ATAD1: variants seen among roughly 807,000 people sequenced by gnomAD.
ATAD1 encodes the protein outer mitochondrial transmembrane helix translocase.
In ATAD1, 18 loss-of-function variants were observed where a neutral mutation model predicts 42.7. The ratio of observed to expected loss-of-function variants is 0.42; its 90% CI spans 0.29 to 0.63. The LOEUF is 0.63. Among genes scored for constraint, ATAD1 ranks in the 20% least tolerant of loss-of-function variants. ATAD1 has a pLI of 0.19. For missense variants in ATAD1, 294 were observed against 440.4 expected (o/e 0.67, Z 2.98); for synonymous variants, 132 against 143.1 (o/e 0.92, Z 0.55).
chr10:87,759,550 G>A (rs1172566308), intron 8 of ATAD1, among the ~76,000 whole-genome samples: 1 of 152,158 alleles, frequency 6.6e-6, no homozygotes, highest in Non-Finnish European at 1.5e-5. Context: ...TGACCACTCC[G>A]TTGTTGGGCC....
intron 6 of ATAD1, among the ~76,000 whole-genome samples, chr10:87,771,552 T>C (rs1160665343): frequency 6.6e-6 from 1 of 152,082 alleles, no homozygotes; most frequent in Non-Finnish European, 1.5e-5. Flanking sequence ...TTCTCTATAT[T>C]TCACATCATC....
intron 1 of ATAD1, among the ~76,000 whole-genome samples, chr10:87,829,838 T>C (rs1857797377): frequency 6.6e-6 from 1 of 152,250 alleles, no homozygotes; most frequent in Non-Finnish European, 1.5e-5. Context: ...AGATGGAATC[T>C]ACACCTGGTG....
intron 5 of ATAD1, among the ~76,000 whole-genome samples, chr10:87,777,648 T>C (rs1335649108): frequency 6.6e-6 from 1 of 152,024 alleles, no homozygotes; most frequent in Non-Finnish European, 1.5e-5. Context: ...ACAATCCCCA[T>C]TTCAAATGTT....
At chr10:87,798,602 G>C (rs971206355) in intron 2 of ATAD1, among the ~76,000 whole-genome samples, 2 of 149,900 alleles carry the variant, frequency 1.3e-5, no homozygotes, top group African/African-American at 4.9e-5. Flanking sequence ...CATGGCTAAA[G>C]TTCCAAAGTA....
At chr10:87,792,369 CAT>C (rs761027528) in intron 3 of ATAD1, among the ~76,000 whole-genome samples, 1 of 152,218 alleles carries the variant, frequency 6.6e-6, no homozygotes, top group Non-Finnish European at 1.5e-5. Context: ...CAACACTGCA[CAT>C]GTGTTGTCAC....
intron 8 of ATAD1, among the ~76,000 whole-genome samples, chr10:87,758,017 A>G (rs1854302834): frequency 6.6e-6 from 1 of 152,224 alleles, no homozygotes; most frequent in Admixed American, 6.5e-5. Flanking sequence ...ATGATAAGCA[A>G]AGCAAATGGT....
chr10:87,766,591 G>T (rs10887752), intron 8 of ATAD1, among the ~76,000 whole-genome samples: 61,958 of 151,994 alleles, frequency 0.41, 13,550 homozygotes, highest in African/African-American at 0.57. Context: ...GAGACCAGCC[G>T]GGCCAACATG....
At position 87,776,569 on chromosome 10, in the gene ATAD1, A is replaced by G. The variant is rs187836424; in HGVS notation, c.584-142T>C. 3.2e-3 allele frequency: 1,936 copies of G among 599,082 alleles called. 11 individuals are homozygous for G. Among genetic ancestry groups the G allele is most frequent in the Non-Finnish European group, 4.1e-3 (1,395 of 337,436 alleles). The allele number at this position is 599,082 out of a possible 1,614,324, so 37.1% of individuals were successfully genotyped here. On this transcript the variant is annotated intron_variant, in intron 5 of 9. Coordinates refer to ENST00000680024, the MANE Select transcript of ATAD1 (RefSeq NM_001321967.2). Reference sequence around the variant, plus strand: ...TTGCAACCTCGAACTCCCAGGCTTAAGTGATCCTCCTGCCTCAGCCTCTCG... The same window carrying G: ...TTGCAACCTCGAACTCCCAGGCTTAGGTGATCCTCCTGCCTCAGCCTCTCG...
At position 87,785,757 on chromosome 10, in the gene ATAD1, T is replaced by A. The variant is rs181317994; in HGVS notation, c.383-1087A>T. Among the ~76,000 whole-genome samples, 269 of 151,918 alleles carry A rather than the reference T, an allele frequency of 1.8e-3. 1 individual carries two copies. The highest frequency in any genetic ancestry group is 5.0e-3 in the South Asian group (24 of 4,820). On this transcript the variant is annotated intron_variant, in intron 4 of 9. Coordinates refer to ENST00000680024, the MANE Select transcript of ATAD1 (RefSeq NM_001321967.2). ...AAAAAAAAAGAAATCTGCACCTGAT[T>A]CCATAACTCTAGCAATTTTATTTTT...
chr10:87,775,283 T>C lies in ATAD1; in HGVS notation c.690+1038A>G, dbSNP rs143060822. Among the ~76,000 whole-genome samples, 942 of 151,456 alleles carry C rather than the reference T, an allele frequency of 6.2e-3. 14 individuals carry two copies. The highest frequency in any genetic ancestry group is 0.022 in the African/African-American group (910 of 41,294). ...TAAAAATACAAAAATTAGCTGGGCA[T>C]GGTAGTGCACGTCTGTAACCCCAGC... On this transcript the variant is annotated intron_variant, in intron 6 of 9. Coordinates refer to ENST00000680024, the MANE Select transcript of ATAD1 (RefSeq NM_001321967.2).
At chr10:87,797,864 C>A (rs912497041) in intron 2 of ATAD1, among the ~76,000 whole-genome samples, 1 of 152,122 alleles carries the variant, frequency 6.6e-6, no homozygotes, top group African/African-American at 2.4e-5. Flanking sequence ...GGCTTTTCTG[C>A]GCACATTTGT....
intron 8 of ATAD1, among the ~76,000 whole-genome samples, chr10:87,765,290 T>G (rs1854686395): frequency 6.6e-6 from 1 of 152,044 alleles, no homozygotes; most frequent in Non-Finnish European, 1.5e-5. Flanking sequence ...ATTTATTAGT[T>G]TATACAGTGA....
intron 7 of ATAD1, among the ~76,000 whole-genome samples, chr10:87,768,010 A>T (rs12354814): frequency 3.8e-4 from 58 of 151,326 alleles, no homozygotes; most frequent in Middle Eastern, 6.9e-3. Context: ...TATGACTATA[A>T]TGTCTTCCCT....
chr10:87,763,878 T>C (rs1328566443), intron 8 of ATAD1, among the ~76,000 whole-genome samples: 2 of 152,138 alleles, frequency 1.3e-5, no homozygotes, highest in Non-Finnish European at 2.9e-5. Flanking sequence ...TCAAAAAGAT[T>C]ATCTTAAATG....
At chr10:87,770,297 T>C (rs1854968817) in intron 7 of ATAD1, among the ~76,000 whole-genome samples, 1 of 152,178 alleles carries the variant, frequency 6.6e-6, no homozygotes, top group African/African-American at 2.4e-5. Context: ...GTAAAACCTG[T>C]TTTTTCTTTC....
intron 4 of ATAD1, among the ~76,000 whole-genome samples, chr10:87,787,353 T>C (rs1285952951): frequency 1.3e-5 from 2 of 152,316 alleles, no homozygotes; most frequent in East Asian, 3.9e-4. Flanking sequence ...GGCACAGTGG[T>C]TCACACCTGT....
chr10:87,834,774 T>A (rs1016312606), intron 1 of ATAD1, among the ~76,000 whole-genome samples: 13 of 151,988 alleles, frequency 8.6e-5, no homozygotes, highest in Non-Finnish European at 1.6e-4. Flanking sequence ...TTTCTGCTCC[T>A]AGCTTTTAAA....
chr10:87,778,896 T>G (rs1461375417), intron 5 of ATAD1, among the ~76,000 whole-genome samples: 2 of 152,178 alleles, frequency 1.3e-5, no homozygotes, highest in Non-Finnish European at 2.9e-5. Context: ...AATATACATG[T>G]AAAACACAAA....
chr10:87,762,781 TAA>T (rs902728420), intron 8 of ATAD1, among the ~76,000 whole-genome samples: 6 of 151,020 alleles, frequency 4.0e-5, no homozygotes, highest in Admixed American at 1.3e-4. Flanking sequence ...AAAATTCAAT[TAA>T]AAGTCAACCG....
Sources: gnomAD v4.1 joint callset for allele counts (sites outside exome capture counted in the v4.1 genomes callset) on GRCh38, gnomAD v4.1.1 for gene constraint, MANE v1.5 for transcripts, NCBI Gene and HGNC (gene_info 2026-07-23, HGNC 2026-07-21) for gene names.